Variants in ZNF83 observed in about 807,000 individuals in gnomAD.
ZNF83 encodes the protein zinc finger protein 816B.
For synonymous variants in ZNF83, 209 were observed against 213.0 expected, an observed-to-expected ratio of 0.98 and a Z score of 0.17; for missense variants, 552 against 629.9, an observed-to-expected ratio of 0.88 and a Z score of 1.32.
In ZNF83 at chr19:52,656,404, A is replaced by G. The variant is rs1024745500; in HGVS notation, c.-200-717T>C. On this transcript the variant is annotated intron_variant, in intron 2 of 5. Coordinates refer to the ZNF83 transcript ENST00000594682. ...GGGCATGGTGGGGGAATGTGCCTGT[A>G]ATCCCAGCTATTTGGGAAGCCGAGG... is the stretch of plus-strand genomic sequence containing the variant. Among the ~76,000 whole-genome samples the G allele has an allele frequency of 5.6e-4, 85 of 152,130 alleles. 1 individual carries two copies. Among genetic ancestry groups the G allele is most frequent in the African/African-American group, 1.9e-3 (80 of 41,408 alleles).
chr19:52,620,268 C>CTGTGTGTG (rs1346555908), intron 2 of ZNF83, among the ~76,000 whole-genome samples: 7,025 of 120,718 alleles, frequency 0.058, 229 homozygotes, highest in Non-Finnish European at 0.084. Context: ...GTGTGTATAT[C>CTGTGTGTG]TCTGTGTGTG....
At chr19:52,656,646 T>C (rs2061508945) in intron 2 of ZNF83, among the ~76,000 whole-genome samples, 1 of 152,096 alleles carries the variant, frequency 6.6e-6, no homozygotes, top group Non-Finnish European at 1.5e-5. Flanking sequence ...GGCATGTGGA[T>C]CACAAAGTCA....
intron 1 of ZNF83, among the ~76,000 whole-genome samples, chr19:52,676,083 T>C (rs947711837): frequency 6.6e-6 from 1 of 152,116 alleles, no homozygotes; most frequent in Non-Finnish European, 1.5e-5. Context: ...CCTCCCTGCC[T>C]GATTCTCCTG....
chr19:52,633,453 A>G (rs1168399603), intron 2 of ZNF83, among the ~76,000 whole-genome samples: 1 of 148,748 alleles, frequency 6.7e-6, no homozygotes, highest in Non-Finnish European at 1.5e-5. Context: ...TAATGATGCA[A>G]AAATACACGT....
At chr19:52,643,429 T>C (rs2061333721) in intron 3 of ZNF83, among the ~76,000 whole-genome samples, 1 of 151,318 alleles carries the variant, frequency 6.6e-6, no homozygotes, top group African/African-American at 2.4e-5. Flanking sequence ...CTGTCGGGCA[T>C]GGTGGCTCAC....
At chr19:52,652,979 A>T (rs1227924250) in intron 3 of ZNF83, 2 of 1,333,300 alleles carry the variant, frequency 1.5e-6, no homozygotes, top group Admixed American at 3.4e-5. Context: ...TTACACCTGT[A>T]AGGTTTCTCT....
At chr19:52,619,898 A>C (rs2060470599) in intron 2 of ZNF83, among the ~76,000 whole-genome samples, 1 of 152,028 alleles carries the variant, frequency 6.6e-6, no homozygotes, top group Admixed American at 6.6e-5. Flanking sequence ...AAGAAAAAAA[A>C]ATTTAGCTGG....
intron 1 of ZNF83, among the ~76,000 whole-genome samples, chr19:52,670,591 C>A (rs1396840157): frequency 6.6e-6 from 1 of 152,128 alleles, no homozygotes; most frequent in African/African-American, 2.4e-5. Context: ...GGAAAAGAGT[C>A]AAACTCTGTA....
intron 2 of ZNF83, among the ~76,000 whole-genome samples, chr19:52,622,549 T>C (rs1342672857): frequency 1.3e-5 from 2 of 152,162 alleles, no homozygotes; most frequent in Non-Finnish European, 2.9e-5. Context: ...TCCCCAGGTA[T>C]AGCTAGGCAA....
At chr19:52,637,680 G>A (rs2061196118) in intron 1 of ZNF83, among the ~76,000 whole-genome samples, 1 of 152,158 alleles carries the variant, frequency 6.6e-6, no homozygotes, top group African/African-American at 2.4e-5. Flanking sequence ...TCACAGGAGG[G>A]TTTGGATAAG....
At chr19:52,616,449 C>T (rs1428324469) in intron 2 of ZNF83, among the ~76,000 whole-genome samples, 1 of 152,110 alleles carries the variant, frequency 6.6e-6, no homozygotes, top group Non-Finnish European at 1.5e-5. Flanking sequence ...GCAATATTTA[C>T]AATAGCAAAG....
intron 3 of ZNF83, among the ~76,000 whole-genome samples, chr19:52,646,802 A>C (rs1194868527): frequency 2.0e-5 from 3 of 152,158 alleles, no homozygotes; most frequent in Non-Finnish European, 4.4e-5. Flanking sequence ...AAATGTCTGC[A>C]TGTCTGTATT....
intron 2 of ZNF83, among the ~76,000 whole-genome samples, chr19:52,625,175 GC>G (rs2060693229): frequency 6.6e-6 from 1 of 151,994 alleles, no homozygotes; most frequent in Non-Finnish European, 1.5e-5. Context: ...CTACCACTCT[GC>G]CCCACTCCCA....
intron 1 of ZNF83, among the ~76,000 whole-genome samples, chr19:52,689,863 C>T (rs938049968): frequency 1.6e-4 from 25 of 152,230 alleles, no homozygotes; most frequent in Non-Finnish European, 1.0e-4. Context: ...CAGGCAAGAA[C>T]ACCCCGTGTC....
At chr19:52,621,403 C>A (rs1338558794) in intron 2 of ZNF83, among the ~76,000 whole-genome samples, 23 of 152,194 alleles carry the variant, frequency 1.5e-4, no homozygotes. Flanking sequence ...TATCCATGAA[C>A]CCAAAACTCC....
intron 3 of ZNF83, among the ~76,000 whole-genome samples, chr19:52,653,709 G>T (rs1044144808): frequency 9.2e-5 from 14 of 152,074 alleles, no homozygotes; most frequent in African/African-American, 2.9e-4. Context: ...TGTGACCGAA[G>T]GTCTTGGAAC....
At chr19:52,685,726 G>C (rs1300727271) in intron 1 of ZNF83, among the ~76,000 whole-genome samples, 1 of 151,852 alleles carries the variant, frequency 6.6e-6, no homozygotes, top group African/African-American at 2.4e-5. Flanking sequence ...GTGAAACCTT[G>C]TCTCTACTAA....
At chr19:52,631,791 G>T (rs185335564) in intron 2 of ZNF83, among the ~76,000 whole-genome samples, 1 of 152,156 alleles carries the variant, frequency 6.6e-6, no homozygotes, top group South Asian at 2.1e-4. Flanking sequence ...CCACACACCA[G>T]CAAAGGCAGG....
At chr19:52,685,709 A>C (rs1236260137) in intron 1 of ZNF83, among the ~76,000 whole-genome samples, 1 of 152,050 alleles carries the variant, frequency 6.6e-6, no homozygotes, top group African/African-American at 2.4e-5. Context: ...CCAGCCTGGC[A>C]AACATGGTGA....
Sources: gnomAD v4.1 joint callset for allele counts (sites outside exome capture counted in the v4.1 genomes callset) on GRCh38, gnomAD v4.1.1 for gene constraint, MANE v1.5 for transcripts, NCBI Gene and HGNC (gene_info 2026-07-23, HGNC 2026-07-21) for gene names.